Variants in PRDM16 observed in about 807,000 individuals in gnomAD.
PRDM16 encodes PR/SET domain 16.
Under a neutral mutation model 110.6 loss-of-function variants are expected in PRDM16, and 23 were observed. The ratio of observed to expected loss-of-function variants is 0.21; its 90% CI spans 0.15 to 0.29. The LOEUF is 0.29. Ranked by LOEUF, PRDM16 falls within the 10% of genes least tolerant of loss-of-function variation. PRDM16 has a pLI of 1.00. For missense variants in PRDM16, 1,615 were observed against 1,794.3 expected (o/e 0.90, Z 1.81); for synonymous variants, 799 against 781.8 (o/e 1.02, Z -0.37).
intron 1 of PRDM16, among the ~76,000 whole-genome samples, chr1:3,124,708 A>G (rs1041518889): frequency 2.0e-5 from 3 of 152,094 alleles, no homozygotes; most frequent in African/African-American, 7.2e-5. Flanking sequence ...TTGCATCCCT[A>G]CTCAGCCTGG....
At position 3,434,991 on chromosome 1, in the gene PRDM16, C is replaced by G; in HGVS notation, c.*1180C>G. ...TGCCTGAGACTCCGGATGGACGACA[C>G]AGTCGTCACGTCGCTCTTCCTGCGG... On this transcript the variant is annotated 3_prime_UTR_variant, in exon 17 of 17. Coordinates refer to ENST00000270722, the MANE Select transcript of PRDM16 (RefSeq NM_022114.4). 1 of 228,128 alleles carries G rather than the reference C, an allele frequency of 4.4e-6. No individual in the cohort carries two copies. Among genetic ancestry groups the G allele is most frequent in the Non-Finnish European group, 8.7e-6 (1 of 114,836 alleles). 14.1% of individuals were successfully genotyped at this position (228,128 alleles called of 1,614,324 possible). A position where few individuals can be genotyped will look rare whatever the true frequency, so the allele number is the denominator to read the frequency against.
intron 2 of PRDM16, among the ~76,000 whole-genome samples, chr1:3,223,822 C>T (rs1639227066): frequency 6.6e-6 from 1 of 152,176 alleles, no homozygotes; most frequent in Admixed American, 6.5e-5. Context: ...GTGGGACCAG[C>T]ACAGGGGTGC....
At chr1:3,076,362 G>A (rs1641899848) in intron 1 of PRDM16, among the ~76,000 whole-genome samples, 3 of 152,218 alleles carry the variant, frequency 2.0e-5, no homozygotes. Context: ...AGGATCTGTT[G>A]GGGCGGGGAG....
chr1:3,363,160 C>T (rs767729257), intron 3 of PRDM16, among the ~76,000 whole-genome samples: 2 of 152,190 alleles, frequency 1.3e-5, no homozygotes, highest in South Asian at 2.1e-4. Context: ...TCCTCCAGCC[C>T]GGGGGTCGGG....
intron 2 of PRDM16, among the ~76,000 whole-genome samples, chr1:3,221,262 A>G (rs1639144862): frequency 6.6e-6 from 1 of 152,202 alleles, no homozygotes; most frequent in Admixed American, 6.5e-5. Context: ...AGAGCAGAAG[A>G]CTGGACTCTG....
At position 3,436,782 on chromosome 1, in the gene PRDM16, C is replaced by T. The variant is rs1279274963; in HGVS notation, c.*2971C>T. On this transcript the variant is annotated 3_prime_UTR_variant, in exon 17 of 17. Coordinates refer to ENST00000270722, the MANE Select transcript of PRDM16 (RefSeq NM_022114.4). ...TAACTGTGCAGCATGGACAGGGATG[C>T]GACGGGGCAGCTGGCTGTGTCCATG... is the stretch of plus-strand genomic sequence containing the variant. 6.0e-5 allele frequency: 14 copies of T among 232,994 alleles called. No individual in the cohort carries two copies. The highest frequency in any genetic ancestry group is 2.6e-4 in the African/African-American group (12 of 45,450). 14.4% of individuals were successfully genotyped at this position (232,994 alleles called of 1,614,324 possible).
chr1:3,418,146 A>G (rs1638321488), intron 11 of PRDM16, 149 bp downstream of exon 11: 3 of 704,580 alleles, frequency 4.3e-6, no homozygotes, highest in Non-Finnish European at 7.1e-6. Flanking sequence ...GCTTGAGGTC[A>G]TGCTTTGCAA....
chr1:3,126,173 G>A (rs895057636), intron 1 of PRDM16, among the ~76,000 whole-genome samples: 2 of 152,170 alleles, frequency 1.3e-5, no homozygotes, highest in East Asian at 1.9e-4. Flanking sequence ...CCCGGGCGCC[G>A]CTGGCCGCTC....
chr1:3,174,220 C>T (rs1211300874), intron 1 of PRDM16, among the ~76,000 whole-genome samples: 1 of 152,160 alleles, frequency 6.6e-6, no homozygotes, highest in Non-Finnish European at 1.5e-5. Flanking sequence ...TGGGTGTCAC[C>T]TGGGCATGTC....
Position 3,255,448 on chromosome 1 carries a change from C to T in PRDM16, c.438+11311C>T, listed in dbSNP as rs1640020954. ...ACTTCAGGAGCCCAGCCCATGATGGCACTGAGCTGTCAACACAGTTGGGCT... is the reference window on the plus strand; with the variant it reads ...ACTTCAGGAGCCCAGCCCATGATGGTACTGAGCTGTCAACACAGTTGGGCT... On this transcript the variant is annotated intron_variant, in intron 3 of 16. Transcript: ENST00000270722. The surrounding 1 kb of genome is among the most constrained non-coding windows in gnomAD (Gnocchi z 4.7). 6.6e-6 allele frequency among the ~76,000 whole-genome samples: 1 copy of T among 152,080 alleles called. No individual in the cohort carries two copies.
chr1:3,125,263 A>G (rs1313089543), intron 1 of PRDM16, among the ~76,000 whole-genome samples: 5 of 152,246 alleles, frequency 3.3e-5, no homozygotes, highest in African/African-American at 1.2e-4. Flanking sequence ...TTCTTAGCGG[A>G]CGGCCCAGCC....
chr1:3,408,346 G>A (rs1490921422), intron 8 of PRDM16, among the ~76,000 whole-genome samples: 1 of 152,222 alleles, frequency 6.6e-6, no homozygotes, highest in Non-Finnish European at 1.5e-5. Context: ...GTGCATGGGT[G>A]TAAGAGAAGG....
intron 2 of PRDM16, 55 bp downstream of exon 2, chr1:3,186,529 CTATT>C: frequency 8.3e-7 from 1 of 1,206,382 alleles, no homozygotes; most frequent in Non-Finnish European, 1.1e-6. Context: ...TGTGTTCAAT[CTATT>C]TATAAAGCCG....
rs1049408093 is a variant in PRDM16, at chr1:3,437,262, G to A, written c.*3451G>A. On this transcript the variant is annotated 3_prime_UTR_variant, in exon 17 of 17. Coordinates refer to ENST00000270722, the MANE Select transcript of PRDM16 (RefSeq NM_022114.4). ...GACCCCGACTGGCCAAGACCTCCAC[G>A]TCCCCAGAGTCCAGCCCTGGAAATT... 14 of 232,822 alleles carry A rather than the reference G, an allele frequency of 6.0e-5. No individual in the cohort carries two copies. Among genetic ancestry groups the A allele is most frequent in the South Asian group, 3.6e-4 (2 of 5,526 alleles). The allele number at this position is 232,822 out of a possible 1,614,324, so 14.4% of individuals were successfully genotyped here. A position where few individuals can be genotyped will look rare whatever the true frequency, so the allele number is the denominator to read the frequency against.
At chr1:3,088,745 C>T (rs1163073699) in intron 1 of PRDM16, among the ~76,000 whole-genome samples, 3 of 143,688 alleles carry the variant, frequency 2.1e-5, no homozygotes, top group Admixed American at 7.0e-5. Flanking sequence ...TCACGGCGCC[C>T]GGCCATATTA....
chr1:3,227,717 G>A (rs1048904111), intron 2 of PRDM16, among the ~76,000 whole-genome samples: 1 of 152,182 alleles, frequency 6.6e-6, no homozygotes, highest in Admixed American at 6.5e-5. Context: ...GCCCGTCTCC[G>A]CCAGCCCTAA....
intron 2 of PRDM16, among the ~76,000 whole-genome samples, chr1:3,200,215 C>T (rs982703243): frequency 1.3e-5 from 2 of 152,234 alleles, no homozygotes. Flanking sequence ...GGGAGAGGGG[C>T]CTGGGGGTCT....
At chr1:3,169,923 C>T (rs1377491475) in intron 1 of PRDM16, among the ~76,000 whole-genome samples, 3 of 152,240 alleles carry the variant, frequency 2.0e-5, no homozygotes, top group Non-Finnish European at 2.9e-5. Flanking sequence ...CTAATGACCG[C>T]GGCCCGCGCG....
Position 3,273,817 on chromosome 1 carries a change from AGTGTGTGTGTGT to A in PRDM16, c.438+29703_438+29714del, listed in dbSNP as rs57550885. Among the ~76,000 whole-genome samples, 1,142 of 137,076 alleles carry A rather than the reference AGTGTGTGTGTGT, an allele frequency of 8.3e-3. 14 individuals carry two copies. Among genetic ancestry groups the A allele is most frequent in the African/African-American group, 0.028 (1,071 of 38,264 alleles). The allele number at this position is 137,076 out of a possible 152,430, so 89.9% of individuals were successfully genotyped here. A position where few individuals can be genotyped will look rare whatever the true frequency, so the allele number is the denominator to read the frequency against. The stretch of plus-strand genomic sequence containing the variant: ...GTGTGGCTAACTGCATAGGCATGTA[AGTGTGTGTGTGT>A]GTGTGTGTGTGTGTGTGTGTGTATG... On this transcript the variant is annotated intron_variant, in intron 3 of 16. Coordinates refer to ENST00000270722, the MANE Select transcript of PRDM16 (RefSeq NM_022114.4).
Sources: allele counts gnomAD v4.1 joint callset (sites outside exome capture counted in the v4.1 genomes callset), GRCh38; gene constraint gnomAD v4.1.1; non-coding constraint Gnocchi (gnomAD v3.1); transcripts MANE v1.5; gene names NCBI Gene and HGNC (gene_info 2026-07-23, HGNC 2026-07-21).